The following SIL1 variants were observed in gnomAD, a reference collection of about 807,000 sequenced individuals.
SIL1 encodes SIL1 nucleotide exchange factor.
A neutral mutation model predicts 49.1 loss-of-function variants in SIL1; 40 were observed. The observed-to-expected ratio is 0.81, with a 90% CI of 0.63 to 1.06. SIL1 has a LOEUF of 1.06. Among genes scored for constraint, SIL1 ranks in the 50% least tolerant of loss-of-function variants. SIL1 has a pLI of 0.00. For missense variants in SIL1, 500 were observed against 572.6 expected (o/e 0.87, Z 1.29); for synonymous variants, 253 against 250.8 (o/e 1.01, Z -0.08).
chr5:138,978,075 A>T (rs1767430492), intron 7 of SIL1, among the ~76,000 whole-genome samples: 2 of 152,210 alleles, frequency 1.3e-5, no homozygotes, highest in African/African-American at 4.8e-5. Context: ...TATTGAGGTA[A>T]AATTCACATA....
At chr5:139,024,577 T>C (rs1164976008) in intron 6 of SIL1, among the ~76,000 whole-genome samples, 4 of 152,344 alleles carry the variant, frequency 2.6e-5, no homozygotes, top group South Asian at 2.1e-4. Flanking sequence ...TGGGAGGACA[T>C]TGAGGATCTG....
intron 5 of SIL1, chr5:139,034,513 A>C (rs1339004503): frequency 6.6e-6 from 1 of 152,114 alleles, no homozygotes; most frequent in Non-Finnish European, 1.5e-5. Flanking sequence ...GTTTTTAATA[A>C]TGATTGTTCT....
At chr5:139,156,256 A>G (rs566067244) in intron 1 of SIL1, among the ~76,000 whole-genome samples, 48 of 152,356 alleles carry the variant, frequency 3.2e-4, no homozygotes, top group African/African-American at 1.2e-3. Flanking sequence ...AGAATATTTG[A>G]TAATCATTTT....
chr5:138,948,868 G>A lies in SIL1; in HGVS notation c.1030-1395C>T, dbSNP rs1766696512. 1.3e-5 allele frequency among the ~76,000 whole-genome samples: 2 copies of A among 152,256 alleles called. No individual in the cohort carries two copies. Among genetic ancestry groups the A allele is most frequent in the South Asian group, 4.1e-4 (2 of 4,820 alleles). On this transcript the variant is annotated intron_variant, in intron 9 of 9. Transcript: ENST00000394817. This position sits in a 1 kb window ranked among gnomAD's most constrained non-coding sequence, Gnocchi z 4.8. ...TATTCTAGAGAGCAAGCCCGGCCCA[G>A]CATGCTTTTTTCCGCAAGTGCTCTT...
Position 138,981,213 on chromosome 5 carries a change from C to CA in SIL1, c.768-29330dup, listed in dbSNP as rs35272334. Reference sequence around the variant, plus strand: ...GGGCAACAGAGTGAGACTCTGTCTCCAAAAAAAAAAAAAAAAAAAAGTTTA... The same window carrying CA: ...GGGCAACAGAGTGAGACTCTGTCTCCAAAAAAAAAAAAAAAAAAAAAGTTTA... On this transcript the variant is annotated intron_variant, in intron 7 of 9. Transcript: ENST00000394817. Among the ~76,000 whole-genome samples, 96 of 113,484 alleles carry CA rather than the reference C, an allele frequency of 8.5e-4. 2 individuals are homozygous for CA. The highest frequency in any genetic ancestry group is 1.1e-3 in the Non-Finnish European group (60 of 55,306). 74.4% of individuals were successfully genotyped at this position (113,484 alleles called of 152,430 possible).
chr5:139,090,421 G>A (rs1770317985), intron 3 of SIL1, among the ~76,000 whole-genome samples: 1 of 152,068 alleles, frequency 6.6e-6, no homozygotes, highest in South Asian at 2.1e-4. Flanking sequence ...ACAAACAGGA[G>A]CGCACAGAAA....
At chr5:138,965,755 CCA>C (rs1651218066) in intron 7 of SIL1, among the ~76,000 whole-genome samples, 1 of 144,084 alleles carries the variant, frequency 6.9e-6, no homozygotes, top group South Asian at 2.2e-4. Flanking sequence ...GGCTCTGGAG[CCA>C]CACAGATTTG....
chr5:139,189,775 T>G (rs539325864), intron 1 of SIL1, among the ~76,000 whole-genome samples: 3 of 152,190 alleles, frequency 2.0e-5, no homozygotes, highest in Non-Finnish European at 2.9e-5. Flanking sequence ...GAGCCAAGAC[T>G]GTGCCACTGA....
chr5:139,177,945 G>A (rs772487219), intron 1 of SIL1, among the ~76,000 whole-genome samples: 1 of 152,244 alleles, frequency 6.6e-6, no homozygotes, highest in Non-Finnish European at 1.5e-5. Flanking sequence ...AGTTGCCAGT[G>A]TCAGTGGCTT....
intron 1 of SIL1, among the ~76,000 whole-genome samples, chr5:139,174,739 A>C (rs1483808995): frequency 1.3e-5 from 2 of 151,698 alleles, no homozygotes; most frequent in Non-Finnish European, 2.9e-5. Flanking sequence ...GGAGTTCAAG[A>C]CCAGCCTGGC....
chr5:138,982,964 A>G (rs1767560554), intron 7 of SIL1, among the ~76,000 whole-genome samples: 1 of 152,094 alleles, frequency 6.6e-6, no homozygotes, highest in African/African-American at 2.4e-5. Flanking sequence ...TGGGAGGCTG[A>G]GGCAGGCAGA....
intron 7 of SIL1, among the ~76,000 whole-genome samples, chr5:139,004,504 T>A (rs779966387): frequency 9.2e-5 from 14 of 152,196 alleles, no homozygotes; most frequent in Non-Finnish European, 1.8e-4. Flanking sequence ...TGTGAGACCT[T>A]TATATTCAAA....
At chr5:139,055,517 G>A (rs565962266) in intron 3 of SIL1, among the ~76,000 whole-genome samples, 9 of 152,090 alleles carry the variant, frequency 5.9e-5, no homozygotes, top group South Asian at 4.2e-4. Context: ...CAAATGGGCC[G>A]CAAACAGATG....
intron 7 of SIL1, among the ~76,000 whole-genome samples, chr5:138,968,659 C>T (rs531524235): frequency 2.6e-5 from 4 of 152,264 alleles, no homozygotes; most frequent in Admixed American, 1.3e-4. Context: ...CCTCCTAAAC[C>T]ATGAACTCTC....
At chr5:138,996,513 A>ATTTTTTTTTTT (rs140943492) in intron 7 of SIL1, among the ~76,000 whole-genome samples, 2 of 89,890 alleles carry the variant, frequency 2.2e-5, no homozygotes, top group African/African-American at 5.4e-5. Context: ...TGCTGTGCAG[A>ATTTTTTTTTTT]TTTTTTTTTT....
chr5:139,046,857 T>C (rs553959153), intron 4 of SIL1, among the ~76,000 whole-genome samples: 33 of 152,342 alleles, frequency 2.2e-4, no homozygotes, highest in African/African-American at 7.5e-4. Context: ...AATTAATCTA[T>C]GATTAATTCC....
intron 7 of SIL1, among the ~76,000 whole-genome samples, chr5:138,961,079 C>T (rs1014242797): frequency 2.0e-5 from 3 of 152,170 alleles, no homozygotes; most frequent in Non-Finnish European, 4.4e-5. Flanking sequence ...ACTAGTCCAG[C>T]AAGACCTGGT....
At chr5:139,011,624 G>A (rs935093657) in intron 7 of SIL1, among the ~76,000 whole-genome samples, 2 of 152,060 alleles carry the variant, frequency 1.3e-5, no homozygotes, top group Non-Finnish European at 2.9e-5. Flanking sequence ...GTGAGCCACT[G>A]CACCCCATCT....
intron 1 of SIL1, among the ~76,000 whole-genome samples, chr5:139,158,924 G>C (rs924896141): frequency 6.6e-6 from 1 of 152,100 alleles, no homozygotes; most frequent in East Asian, 1.9e-4. Flanking sequence ...AGGTCAACTG[G>C]TTCCATGGGA....
Sources: gnomAD v4.1 joint callset for allele counts (sites outside exome capture counted in the v4.1 genomes callset) on GRCh38, gnomAD v4.1.1 for gene constraint, Gnocchi (gnomAD v3.1) non-coding constraint, MANE v1.5 for transcripts, NCBI Gene and HGNC (gene_info 2026-07-23, HGNC 2026-07-21) for gene names.